Variants in HPSE2 observed in about 807,000 individuals in gnomAD.
The protein encoded by HPSE2 is heparanase 2 (inactive).
In HPSE2, 38 loss-of-function variants were observed where a neutral mutation model predicts 60.5. The observed-to-expected ratio is 0.63, with a 90% CI of 0.48 to 0.82. The LOEUF is 0.82. HPSE2 is among the 40% of genes least tolerant of loss of function. The pLI, the probability that HPSE2 is intolerant of heterozygous loss-of-function variation, is 0.00. For synonymous variants in HPSE2, 295 were observed against 293.2 expected, an observed-to-expected ratio of 1.01 and a Z score of -0.06; for missense variants, 713 against 740.4, an observed-to-expected ratio of 0.96 and a Z score of 0.43.
At chr10:99,250,601 G>A in the HPSE2 span, among the ~76,000 whole-genome samples, 2 of 152,144 alleles carry the variant, frequency 1.3e-5, no homozygotes, top group Non-Finnish European at 2.9e-5. Flanking sequence ...CCACGTGCTA[G>A]GCCATAAAGC....
At chr10:98,568,248 T>C (rs377177488) in intron 9 of HPSE2, among the ~76,000 whole-genome samples, 6 of 152,288 alleles carry the variant, frequency 3.9e-5, no homozygotes, top group East Asian at 3.9e-4. Flanking sequence ...CTGGGTGAAG[T>C]CCTTAGTTTA....
chr10:98,879,211 C>G (rs934159830), intron 3 of HPSE2, among the ~76,000 whole-genome samples: 1 of 151,942 alleles, frequency 6.6e-6, no homozygotes, highest in Non-Finnish European at 1.5e-5. Flanking sequence ...GTATAGAAGT[C>G]ATGGATGCAG....
chr10:98,653,426 ATCTCT>A lies in HPSE2; in HGVS notation c.1005-11491_1005-11487del, dbSNP rs1288150727. ...ATTCCTTGTATCTGTTTTTTTTTTA[ATCTCT>A]TCTTTTTTTGTTTTCTCTGGTTTTA... On this transcript the variant is annotated intron_variant, in intron 6 of 11. Coordinates refer to ENST00000370552, the MANE Select transcript of HPSE2 (RefSeq NM_021828.5). Among the ~76,000 whole-genome samples, 7 of 150,476 alleles carry A rather than the reference ATCTCT, an allele frequency of 4.7e-5. No individual in the cohort carries two copies. In the East Asian group the frequency reaches 1.4e-3, roughly 29 times the overall value.
At chr10:98,897,532 G>A (rs1953529299) in intron 3 of HPSE2, among the ~76,000 whole-genome samples, 1 of 151,976 alleles carries the variant, frequency 6.6e-6, no homozygotes, top group South Asian at 2.1e-4. Flanking sequence ...ACAGAGTAGA[G>A]AGTCCAGAAA....
Position 98,459,707 on chromosome 10 carries a change from A to T in HPSE2, c.1646T>A (p.Met549Lys), listed in dbSNP as rs748178256. ...SVQLNGQPLV[M>K]VDDGTLPELK... is the part of the protein sequence containing the mutation. ...TTCTGGGAGGGTCCCGTCGTCCACC[A>T]TCACTAAGGGCTGGCCATTCAGTTG... The change falls in exon 12 of 12, where the codon ATG (methionine) becomes AAG (lysine). Residue 549 changes from methionine to lysine, a missense_variant. By Grantham distance (95) the Met-to-Lys change is moderately conservative. Transcript: ENST00000370552. 6.2e-7 allele frequency: 1 copy of T among 1,613,998 alleles called. No homozygotes were observed. Among genetic ancestry groups the T allele is most frequent in the Admixed American group, 1.7e-5 (1 of 60,010 alleles).
intron 9 of HPSE2, among the ~76,000 whole-genome samples, chr10:98,566,553 T>C (rs775591454): frequency 6.6e-6 from 1 of 152,196 alleles, no homozygotes; most frequent in Non-Finnish European, 1.5e-5. Flanking sequence ...GAAGCAACCA[T>C]GGCTTTTTAA....
At chr10:99,305,979 G>GCGCGCGCGCGCGCGCGCACA in the HPSE2 span, among the ~76,000 whole-genome samples, 1 of 80,580 alleles carries the variant, frequency 1.2e-5, no homozygotes, top group Non-Finnish European at 2.4e-5. Flanking sequence ...GCGCGCGCGC[G>GCGCGCGCGCGCGCGCGCACA]CACACACACA....
intron 3 of HPSE2, chr10:99,013,660 C>T (rs1379490629): frequency 3.7e-5 from 8 of 217,792 alleles, no homozygotes; most frequent in African/African-American, 1.2e-4. Flanking sequence ...TTAGTAGAGA[C>T]GGGCCTTCAC....
At chr10:98,573,236 A>G (rs1227977670) in intron 9 of HPSE2, among the ~76,000 whole-genome samples, 1 of 152,222 alleles carries the variant, frequency 6.6e-6, no homozygotes, top group Non-Finnish European at 1.5e-5. Context: ...TTTAAATATA[A>G]CAGCAGCATT....
intron 9 of HPSE2, among the ~76,000 whole-genome samples, chr10:98,505,510 C>T (rs535486742): frequency 3.3e-5 from 5 of 152,260 alleles, no homozygotes; most frequent in East Asian, 1.9e-4. Flanking sequence ...CACCAGTGTC[C>T]GTATGGATCT....
chr10:98,849,139 A>C (rs906967892), intron 3 of HPSE2, among the ~76,000 whole-genome samples: 1 of 152,212 alleles, frequency 6.6e-6, no homozygotes, highest in East Asian at 1.9e-4. Flanking sequence ...GCAATTGTCC[A>C]AAATCAACCA....
At chr10:99,153,987 G>A (rs1846405968) in intron 2 of HPSE2, among the ~76,000 whole-genome samples, 1 of 152,160 alleles carries the variant, frequency 6.6e-6, no homozygotes, top group African/African-American at 2.4e-5. Flanking sequence ...CGATCAAATG[G>A]AAGAAAGGGT....
chr10:98,687,965 G>A (rs528084691), intron 6 of HPSE2, among the ~76,000 whole-genome samples: 13 of 151,926 alleles, frequency 8.6e-5, no homozygotes, highest in Non-Finnish European at 1.6e-4. Flanking sequence ...ATATAATCAT[G>A]GTTCAGTCTA....
At chr10:99,283,949 G>T in the HPSE2 span, among the ~76,000 whole-genome samples, 1 of 151,864 alleles carries the variant, frequency 6.6e-6, no homozygotes. Context: ...TACCAATTCT[G>T]CCATTTAAAA....
intron 3 of HPSE2, among the ~76,000 whole-genome samples, chr10:98,928,489 G>T (rs112166999): frequency 3.7e-5 from 4 of 108,126 alleles, no homozygotes; most frequent in African/African-American, 1.8e-4. Context: ...CCATTACTGG[G>T]TATATACCCA....
intron 3 of HPSE2, among the ~76,000 whole-genome samples, chr10:99,060,749 T>C (rs1366494433): frequency 1.4e-5 from 2 of 139,864 alleles, no homozygotes; most frequent in African/African-American, 5.4e-5. Context: ...ATACATACAA[T>C]AGAGTACTAT....
intron 3 of HPSE2, among the ~76,000 whole-genome samples, chr10:98,776,558 G>C (rs930380846): frequency 6.6e-6 from 1 of 152,132 alleles, no homozygotes; most frequent in Admixed American, 6.5e-5. Flanking sequence ...GAAGCAATCA[G>C]ATAAATCCAG....
intron 3 of HPSE2, among the ~76,000 whole-genome samples, chr10:98,836,505 C>T (rs1171552162): frequency 6.6e-6 from 1 of 151,212 alleles, no homozygotes; most frequent in African/African-American, 2.5e-5. Flanking sequence ...ATGAATCTAA[C>T]AAGCTTTAAA....
At chr10:98,705,894 T>C (rs1000969943) in intron 5 of HPSE2, among the ~76,000 whole-genome samples, 1 of 152,218 alleles carries the variant, frequency 6.6e-6, no homozygotes, top group Non-Finnish European at 1.5e-5. Flanking sequence ...CTACATGTCC[T>C]GCACTTGTAT....
Sources: allele counts gnomAD v4.1 joint callset (sites outside exome capture counted in the v4.1 genomes callset), GRCh38; gene constraint gnomAD v4.1.1; transcripts MANE v1.5; gene names NCBI Gene and HGNC (gene_info 2026-07-23, HGNC 2026-07-21).